The following AKR1C4 variants were observed in gnomAD, a reference collection of about 807,000 sequenced individuals.
AKR1C4 encodes the protein 3-alpha-HSD1.
A neutral mutation model predicts 41.0 loss-of-function variants in AKR1C4; 44 were observed. That is an observed-to-expected ratio of 1.07 (90% CI 0.84 to 1.38). AKR1C4 has a LOEUF of 1.38. AKR1C4 is among the 40% of genes most tolerant of loss of function. AKR1C4 has a pLI of 0.00. For synonymous variants in AKR1C4, 165 were observed against 137.7 expected, an observed-to-expected ratio of 1.20 and a Z score of -1.39; for missense variants, 438 against 387.9, an observed-to-expected ratio of 1.13 and a Z score of -1.09.
chr10:5,204,452 T>G lies in AKR1C4; in HGVS notation c.328T>G (p.Tyr110Asp). The G allele has an allele frequency of 6.2e-7, 1 of 1,613,824 alleles. No homozygotes were observed. Among genetic ancestry groups the G allele is most frequent in the Non-Finnish European group, 8.5e-7 (1 of 1,179,714 alleles). Residue 110 changes from tyrosine to aspartate, a missense_variant, in exon 3 of 9, where the codon TAT becomes GAT. Tyr to Asp is a radical substitution (Grantham distance 160, BLOSUM62 -3). Transcript: ENST00000263126. ...CTCACTGAAAAAACTTCAACTGGAC[T>G]ATGTTGACCTCTATCTTCTTCATTT... ...ESSLKKLQLDYVDLYLLHFPM... is the reference protein window; with the variant it reads ...ESSLKKLQLDDVDLYLLHFPM...
At chr10:5,207,873 G>A in intron 5 of AKR1C4, 1 of 242,982 alleles carries the variant, frequency 4.1e-6, no homozygotes, top group South Asian at 5.0e-5. Context: ...TCATTTCATT[G>A]AACAATCAGA....
At chr10:5,204,560 TG>T in intron 3 of AKR1C4, 67 bp downstream of exon 3, 14 of 1,225,056 alleles carry the variant, frequency 1.1e-5, no homozygotes, top group Non-Finnish European at 1.7e-5. Flanking sequence ...ATGGTTGAAT[TG>T]AACTTCTTCT....
intron 5 of AKR1C4, among the ~76,000 whole-genome samples, chr10:5,211,239 C>T (rs1419144783): frequency 1.3e-5 from 2 of 152,332 alleles, no homozygotes; most frequent in East Asian, 3.9e-4. Flanking sequence ...CTCCTTGTTA[C>T]TTATGCAAAT....
At chr10:5,198,111 T>C (rs573601816) in intron 1 of AKR1C4, among the ~76,000 whole-genome samples, 1 of 152,392 alleles carries the variant, frequency 6.6e-6, no homozygotes, top group African/African-American at 2.4e-5. Context: ...TAAATTTCAC[T>C]GAAATTATAT....
Position 5,205,802 on chromosome 10 carries a change from T to C in AKR1C4, c.415T>C (p.Phe139Leu), listed in dbSNP as rs138073212. 2 of 1,613,492 alleles carry C rather than the reference T, an allele frequency of 1.2e-6. No homozygotes were observed. Among genetic ancestry groups the C allele is most frequent in the Non-Finnish European group, 1.7e-6 (2 of 1,179,614 alleles). ...LPKDENGKVI[F>L]DTVDLSATWE... ...AAAAGATGAAAATGGAAAAGTAATATTCGACACAGTGGATCTCTCTGCCAC... is the reference window on the plus strand; with the variant it reads ...AAAAGATGAAAATGGAAAAGTAATACTCGACACAGTGGATCTCTCTGCCAC... Residue 139 changes from phenylalanine (F) to leucine (L), a missense_variant, in exon 4 of 9, where the codon TTC (phenylalanine) becomes CTC (leucine). Transcript: ENST00000263126.
intron 2 of AKR1C4, chr10:5,202,438 A>G (rs551241911): frequency 2.4e-5 from 11 of 455,494 alleles, no homozygotes; most frequent in Non-Finnish European, 4.9e-5. Context: ...ATATGATCAT[A>G]TTACTGGCAA....
At chr10:5,197,045 C>T (rs1381677004) in intron 1 of AKR1C4, 94 bp downstream of exon 1, 24 of 1,195,382 alleles carry the variant, frequency 2.0e-5, no homozygotes, top group Admixed American at 1.0e-4. Flanking sequence ...GTTTCTGTTA[C>T]CCTGAGTGAC....
intron 7 of AKR1C4, among the ~76,000 whole-genome samples, chr10:5,216,027 T>C (rs1478247306): frequency 6.6e-6 from 1 of 152,222 alleles, no homozygotes. Flanking sequence ...AAAGTTGTTT[T>C]GACTTACCAT....
intron 1 of AKR1C4, 84 bp downstream of exon 1, chr10:5,197,035 G>A: frequency 7.3e-7 from 1 of 1,373,074 alleles, no homozygotes. Context: ...TCAGCTTTGT[G>A]TTTCTGTTAC....
intron 1 of AKR1C4, 111 bp from the exon 2 acceptor site, chr10:5,200,070 G>A (rs924995564): frequency 1.6e-5 from 22 of 1,404,050 alleles, no homozygotes; most frequent in Middle Eastern, 1.8e-4. Context: ...GGGGCCTGAA[G>A]AAGCGAGCCA....
chr10:5,217,360 T>C (rs535182538), intron 8 of AKR1C4, among the ~76,000 whole-genome samples: 1 of 152,226 alleles, frequency 6.6e-6, no homozygotes, highest in Non-Finnish European at 1.5e-5. Flanking sequence ...GCATTTTGCC[T>C]CCAGGAAGTT....
intron 7 of AKR1C4, among the ~76,000 whole-genome samples, chr10:5,215,887 A>C (rs1832649292): frequency 6.6e-6 from 1 of 152,150 alleles, no homozygotes; most frequent in South Asian, 2.1e-4. Flanking sequence ...AAACTGTGCT[A>C]ATTATCCAGT....
At chr10:5,204,627 C>T (rs782668702) in intron 3 of AKR1C4, 134 bp downstream of exon 3, 6 of 792,162 alleles carry the variant, frequency 7.6e-6, no homozygotes, top group Non-Finnish European at 1.4e-5. Flanking sequence ...AATGCCTAAG[C>T]CATTTTCTTG....
chr10:5,216,799 T>TA lies in AKR1C4; in HGVS notation c.929+8dup. On this transcript the variant is annotated splice_region_variant and intron_variant, in intron 8 of 8. Coordinates refer to ENST00000263126, the MANE Select transcript of AKR1C4 (RefSeq NM_001818.5). Reference sequence around the variant, plus strand: ...CGATATGTTGTCATGGATTTGTAAGTAACTTTGGAAAATGGGTTTCCCAGT... The same window carrying TA: ...CGATATGTTGTCATGGATTTGTAAGTAAACTTTGGAAAATGGGTTTCCCAGT... 6.3e-7 allele frequency: 1 copy of TA among 1,597,594 alleles called. No individual in the cohort carries two copies.
chr10:5,204,277 CTGTT>C, intron 2 of AKR1C4, 96 bp from the exon 3 acceptor site: 1 of 903,644 alleles, frequency 1.1e-6, no homozygotes, highest in East Asian at 2.4e-5. Flanking sequence ...CAGAGGTCAT[CTGTT>C]TGGAACGGTG....
chr10:5,206,623 T>G (rs1184065703), intron 5 of AKR1C4, among the ~76,000 whole-genome samples: 1 of 152,130 alleles, frequency 6.6e-6, no homozygotes, highest in Non-Finnish European at 1.5e-5. Flanking sequence ...TGTACTATTT[T>G]TGGGGGAGGT....
chr10:5,198,123 G>A (rs782363152), intron 1 of AKR1C4, among the ~76,000 whole-genome samples: 45 of 152,062 alleles, frequency 3.0e-4, no homozygotes, highest in African/African-American at 5.8e-4. Flanking sequence ...AAATTATATC[G>A]TTTCTAAAAG....
In AKR1C4 at chr10:5,196,956, T is replaced by A; in HGVS notation, c.84+5T>A. On this transcript the variant is annotated splice_donor_5th_base_variant and intron_variant, in intron 1 of 8. Coordinates refer to ENST00000263126, the MANE Select transcript of AKR1C4 (RefSeq NM_001818.5). ...GGCACCTATGCACCTCCAGAGGTAA[T>A]AATCACATTTTCAGCATTGAGCATT... The A allele has an allele frequency of 6.2e-7, 1 of 1,613,180 alleles. No homozygotes were observed. Among genetic ancestry groups the A allele is most frequent in the South Asian group, 1.1e-5 (1 of 91,060 alleles).
chr10:5,210,636 C>T (rs1448085319), intron 5 of AKR1C4, among the ~76,000 whole-genome samples: 1 of 149,508 alleles, frequency 6.7e-6, no homozygotes, highest in Non-Finnish European at 1.5e-5. Context: ...GATGGAGTCT[C>T]ACTCTGTCAC....
Sources: allele counts gnomAD v4.1 joint callset (sites outside exome capture counted in the v4.1 genomes callset), GRCh38; gene constraint gnomAD v4.1.1; transcripts MANE v1.5; gene names NCBI Gene and HGNC (gene_info 2026-07-23, HGNC 2026-07-21).